The following CA5A variants were observed in gnomAD, a reference collection of about 807,000 sequenced individuals.
CA5A encodes the protein carbonic anhydrase 5A, mitochondrial.
In CA5A, 28 loss-of-function variants were observed where a neutral mutation model predicts 37.1. The ratio of observed to expected loss-of-function variants is 0.75; its 90% CI spans 0.56 to 1.03. The LOEUF is 1.03. CA5A is among the 50% of genes least tolerant of loss of function. CA5A has a pLI of 0.00. For missense variants in CA5A, 444 were observed against 399.9 expected (o/e 1.11, Z -0.94); for synonymous variants, 171 against 158.4 (o/e 1.08, Z -0.60).
intron 1 of CA5A, among the ~76,000 whole-genome samples, chr16:87,928,809 CCCAGGCTGCAGTGCAGTGGTGCCAT>C (rs1008680901): frequency 7.1e-6 from 1 of 141,562 alleles, no homozygotes; most frequent in African/African-American, 2.7e-5. Context: ...CACTCGGTCG[CCCAGGCTGCAGTGCAGTGGTGCCAT>C]CTCGGCTCAC....
intron 2 of CA5A, among the ~76,000 whole-genome samples, chr16:87,906,163 G>A (rs538355724): frequency 2.0e-5 from 3 of 152,130 alleles, no homozygotes; most frequent in African/African-American, 7.2e-5. Context: ...GCTGGAAGGC[G>A]CCAGCAGAAC....
chr16:87,893,995 G>T (rs1361519830), intron 5 of CA5A, among the ~76,000 whole-genome samples: 1 of 152,230 alleles, frequency 6.6e-6, no homozygotes, highest in East Asian at 1.9e-4. Context: ...CTGGGCTCAA[G>T]CGATCCTCCT....
intron 2 of CA5A, among the ~76,000 whole-genome samples, chr16:87,917,942 CCT>C (rs1262181693): frequency 6.6e-6 from 1 of 152,232 alleles, no homozygotes; most frequent in East Asian, 1.9e-4. Flanking sequence ...CACATCGTTT[CCT>C]CTCAGTCCAG....
At chr16:87,920,176 C>T (rs994777858) in intron 2 of CA5A, among the ~76,000 whole-genome samples, 4 of 152,216 alleles carry the variant, frequency 2.6e-5, no homozygotes, top group African/African-American at 4.8e-5. Flanking sequence ...ACCCCTCACC[C>T]GAGGTCTGCA....
At chr16:87,934,952 C>A (rs115237049) in intron 1 of CA5A, among the ~76,000 whole-genome samples, 2,922 of 152,356 alleles carry the variant, frequency 0.019, 92 homozygotes, top group African/African-American at 0.066. Context: ...TGGACCCCAA[C>A]AGGAGGAATG....
At chr16:87,885,428 G>C (rs1014547896), downstream of CA5A, 2 of 152,442 alleles carry the variant, frequency 1.3e-5, no homozygotes, top group Admixed American at 1.3e-4. Context: ...TGAATCATTA[G>C]GGAAGTGCAA....
chr16:87,929,556 A>C (rs1002111787), intron 1 of CA5A, among the ~76,000 whole-genome samples: 2 of 151,996 alleles, frequency 1.3e-5, no homozygotes, highest in African/African-American at 4.8e-5. Context: ...CAACTTGAAA[A>C]AATTTTTAGC....
At chr16:87,925,070 G>A (rs1334690934) in intron 2 of CA5A, among the ~76,000 whole-genome samples, 2 of 152,228 alleles carry the variant, frequency 1.3e-5, no homozygotes, top group Non-Finnish European at 2.9e-5. Flanking sequence ...TGCCCCAGCG[G>A]AGTTACATCC....
chr16:87,881,779 T>A (rs1470303394), exon 5 of CA5A: 2 of 152,242 alleles, frequency 1.3e-5, no homozygotes, highest in Non-Finnish European at 2.9e-5. Context: ...GGAATCAATG[T>A]CTTTTCCTCT....
Position 87,888,032 on chromosome 16 carries a change from T to G in CA5A, c.*97A>C, listed in dbSNP as rs2055662667. Reference sequence around the variant, plus strand: ...AAACAATAACCTCATGCTCTCTTTTTAATTTCAGAAGTCATGTACAATCAC... The same window carrying G: ...AAACAATAACCTCATGCTCTCTTTTGAATTTCAGAAGTCATGTACAATCAC... On this transcript the variant is annotated 3_prime_UTR_variant, in exon 7 of 7. Transcript: ENST00000649794. 6.7e-7 allele frequency: 1 copy of G among 1,487,360 alleles called. No homozygotes were observed. Among genetic ancestry groups the G allele is most frequent in the African/African-American group, 1.4e-5 (1 of 71,382 alleles). The allele number at this position is 1,487,360 out of a possible 1,614,324, so 92.1% of individuals were successfully genotyped here. A position where few individuals can be genotyped will look rare whatever the true frequency, so the allele number is the denominator to read the frequency against.
At chr16:87,897,372 C>T (rs893429498) in intron 5 of CA5A, among the ~76,000 whole-genome samples, 4 of 152,260 alleles carry the variant, frequency 2.6e-5, no homozygotes, top group African/African-American at 9.6e-5. Context: ...GTGAGAGGGT[C>T]AAAGGCGAAG....
chr16:87,905,634 C>G (rs2055950024), intron 2 of CA5A, among the ~76,000 whole-genome samples: 1 of 152,236 alleles, frequency 6.6e-6, no homozygotes, highest in Admixed American at 6.5e-5. Flanking sequence ...GCTGGGATGA[C>G]AGGTGTGAGC....
intron 2 of CA5A, among the ~76,000 whole-genome samples, chr16:87,919,371 G>A (rs1357544054): frequency 6.6e-6 from 1 of 152,236 alleles, no homozygotes. Context: ...GGTCACCCTC[G>A]GGCTGGCCAG....
In CA5A at chr16:87,891,926, T is replaced by C; in HGVS notation, c.647A>G (p.Asp216Gly). The change falls in exon 6 of 7, where the codon GAC becomes GGC. Residue 216 changes from aspartate (D) to glycine (G), a missense_variant. Transcript: ENST00000649794. ...GCAGGTGGGCAGCAGAGTGGAGGGG[T>C]CGAAGGGGCGCATGGCCGCCCGCGC... is the stretch of plus-strand genomic sequence containing the variant. ...KDARAAMRPFDPSTLLPTCWD... is the reference protein window; with the variant it reads ...KDARAAMRPFGPSTLLPTCWD... 1 of 1,555,574 alleles carries C rather than the reference T, an allele frequency of 6.4e-7. No individual in the cohort carries two copies.
At chr16:87,895,564 A>G (rs370491713) in intron 5 of CA5A, among the ~76,000 whole-genome samples, 143 of 152,338 alleles carry the variant, frequency 9.4e-4, no homozygotes, top group African/African-American at 3.2e-3. Context: ...AACAAAAAAC[A>G]AAAAACAAAA....
intron 2 of CA5A, among the ~76,000 whole-genome samples, chr16:87,924,533 G>A (rs532758974): frequency 3.3e-5 from 5 of 152,240 alleles, no homozygotes; most frequent in Admixed American, 2.6e-4. Flanking sequence ...TGCACATACG[G>A]CTCAGCGCAC....
chr16:87,910,654 T>TTCAA (rs1324483161), intron 2 of CA5A, among the ~76,000 whole-genome samples: 6 of 152,086 alleles, frequency 3.9e-5, no homozygotes, highest in Non-Finnish European at 7.4e-5. Flanking sequence ...CTCGGCTCAC[T>TTCAA]TCAACCTCTG....
intron 2 of CA5A, among the ~76,000 whole-genome samples, chr16:87,921,827 G>A (rs889023457): frequency 6.6e-6 from 1 of 152,074 alleles, no homozygotes; most frequent in African/African-American, 2.4e-5. Flanking sequence ...AATGTCTAGA[G>A]GAAGCACAGG....
At chr16:87,928,791 C>T (rs1243525263) in intron 1 of CA5A, among the ~76,000 whole-genome samples, 5 of 100,116 alleles carry the variant, frequency 5.0e-5, no homozygotes, top group African/African-American at 1.2e-4. Flanking sequence ...TTTTTTGAGA[C>T]GGAGTCTCAC....
Sources: gnomAD v4.1 joint callset for allele counts (sites outside exome capture counted in the v4.1 genomes callset) on GRCh38, gnomAD v4.1.1 for gene constraint, MANE v1.5 for transcripts, NCBI Gene and HGNC (gene_info 2026-07-23, HGNC 2026-07-21) for gene names.